Variants in CHURC1 observed in about 807,000 individuals in gnomAD.
CHURC1 encodes churchill domain containing 1, also known as protein Churchill.
A neutral mutation model predicts 15.4 loss-of-function variants in CHURC1; 12 were observed. The observed-to-expected ratio is 0.78, with a 90% confidence interval of 0.50 to 1.27. The LOEUF is 1.27. Ranked by LOEUF, CHURC1 falls within the 50% of genes most tolerant of loss-of-function variation. The pLI is 0.00. For missense variants in CHURC1, 132 were observed against 137.8 expected (o/e 0.96, Z 0.21); for synonymous variants, 42 against 47.5 (o/e 0.88, Z 0.48).
At chr14:64,923,300 G>A (rs983919342) in intron 1 of CHURC1, among the ~76,000 whole-genome samples, 1 of 137,254 alleles carries the variant, frequency 7.3e-6, no homozygotes, top group East Asian at 2.1e-4. Flanking sequence ...CTTCCTTTGA[G>A]CCAGGAGCAT....
In CHURC1 at chr14:64,934,456, T is replaced by C. The variant is rs898227689; in HGVS notation, c.*2226T>C. ...TCTCAGTAATTATGTTTGGCAAATA[T>C]GAAATACAAGGATCTGGCAAGGTTA... On this transcript the variant is annotated 3_prime_UTR_variant, in exon 4 of 4. Transcript: ENST00000549115. 1.4e-5 allele frequency: 14 copies of C among 985,406 alleles called. No homozygotes were observed. Among genetic ancestry groups the C allele is most frequent in the Non-Finnish European group, 1.7e-5 (14 of 829,916 alleles). The allele number at this position is 985,406 out of a possible 1,614,324, so 61.0% of individuals were successfully genotyped here. A position where few individuals can be genotyped will look rare whatever the true frequency, so the allele number is the denominator to read the frequency against.
intron 1 of CHURC1, among the ~76,000 whole-genome samples, chr14:64,915,330 CACCTT>C (rs1883801767): frequency 1.3e-5 from 2 of 152,206 alleles, no homozygotes; most frequent in South Asian, 4.1e-4. Context: ...AATTAAAAGG[CACCTT>C]TGGTGCTGCC....
chr14:64,929,358 A>G (rs2139913533), intron 3 of CHURC1, among the ~76,000 whole-genome samples: 2 of 152,170 alleles, frequency 1.3e-5, no homozygotes, highest in Middle Eastern at 3.4e-3. Flanking sequence ...CTTCAAGCCT[A>G]TGCATCTTCT....
intron 3 of CHURC1, among the ~76,000 whole-genome samples, chr14:64,928,455 G>T (rs577247975): frequency 6.6e-6 from 1 of 152,216 alleles, no homozygotes; most frequent in African/African-American, 2.4e-5. Flanking sequence ...TCACTTGGTT[G>T]CCCAGGCTGG....
intron 3 of CHURC1, among the ~76,000 whole-genome samples, chr14:64,928,092 T>A (rs943382631): frequency 1.3e-5 from 2 of 152,134 alleles, no homozygotes; most frequent in Admixed American, 1.3e-4. Context: ...AACTTTACTC[T>A]TCCTTCTCTC....
chr14:64,926,238 T>G (rs1594898991), intron 3 of CHURC1, among the ~76,000 whole-genome samples, 158 bp downstream of exon 3: 1 of 134,182 alleles, frequency 7.5e-6, no homozygotes, highest in South Asian at 2.4e-4. Flanking sequence ...TTTGAGATGG[T>G]GTCTTGCTAT....
chr14:64,931,778 T>C (rs1037762766), intron 3 of CHURC1, among the ~76,000 whole-genome samples: 16 of 152,348 alleles, frequency 1.1e-4, no homozygotes, highest in Admixed American at 1.0e-3. Context: ...AAAAATTGTT[T>C]CTGTTGTGTA....
intron 3 of CHURC1, among the ~76,000 whole-genome samples, chr14:64,927,719 C>CCA (rs1242787763): frequency 3.6e-5 from 2 of 55,044 alleles, no homozygotes; most frequent in African/African-American, 2.1e-4. Flanking sequence ...TCCCCCCACC[C>CCA]CCCCCCCCGC....
At chr14:64,917,962 T>C (rs143544798) in intron 1 of CHURC1, among the ~76,000 whole-genome samples, 76 of 152,322 alleles carry the variant, frequency 5.0e-4, no homozygotes, top group African/African-American at 1.8e-3. Flanking sequence ...AGTGAAGATA[T>C]AAGACTGCAG....
In CHURC1 at chr14:64,926,079, A is replaced by G; in HGVS notation, c.245A>G (p.Gln82Arg). ...ACATTCAGTATCATGGATGAATTTC[A>G]GGTAAATATAAATATGGGTATAAAT... The part of the protein sequence containing the change: ...EYTFSIMDEF[Q>R]EYTMLCLLCG... Residue 82 changes from glutamine (Q) to arginine (R), a missense_variant and splice_region_variant, in exon 3 of 4, where the codon CAG (glutamine) becomes CGG (arginine). Gln to Arg is a conservative substitution (Grantham distance 43). Transcript: ENST00000549115. 1 of 1,583,986 alleles carries G rather than the reference A, an allele frequency of 6.3e-7. No individual in the cohort carries two copies. Among genetic ancestry groups the G allele is most frequent in the South Asian group, 1.2e-5 (1 of 85,048 alleles).
In CHURC1 at chr14:64,933,638, T is replaced by C. The variant is rs1204277806; in HGVS notation, c.*1408T>C. On this transcript the variant is annotated 3_prime_UTR_variant, in exon 4 of 4. Coordinates refer to ENST00000549115, the MANE Select transcript of CHURC1 (RefSeq NM_001386928.1). ...ATACTTTAGAAAGCATGTAAAGTAC[T>C]AGAAACAATGAGGTGGCTTCAATTA... The C allele has an allele frequency of 1.0e-6, 1 of 985,278 alleles. No homozygotes were observed. Among genetic ancestry groups the C allele is most frequent in the Admixed American group, 6.1e-5 (1 of 16,270 alleles). The allele number at this position is 985,278 out of a possible 1,614,324, so 61.0% of individuals were successfully genotyped here.
intron 1 of CHURC1, among the ~76,000 whole-genome samples, chr14:64,916,865 A>G (rs2139875772): frequency 6.6e-6 from 1 of 152,252 alleles, no homozygotes; most frequent in East Asian, 1.9e-4. Flanking sequence ...GGCGTGAGCC[A>G]CCGCGCCGGG....
intron 2 of CHURC1, among the ~76,000 whole-genome samples, chr14:64,924,904 AT>A (rs1884574527): frequency 6.6e-6 from 1 of 152,194 alleles, no homozygotes; most frequent in Admixed American, 6.5e-5. Context: ...AGGTAATGGT[AT>A]TTTGTCAGAG....
chr14:64,926,184 G>A (rs889512525), intron 3 of CHURC1, 104 bp downstream of exon 3: 7 of 615,038 alleles, frequency 1.1e-5, no homozygotes, highest in Admixed American at 6.2e-5. Flanking sequence ...AGTGCAAAGC[G>A]TTAGCATATA....
chr14:64,922,218 C>G (rs1884354200), intron 1 of CHURC1, among the ~76,000 whole-genome samples: 1 of 151,854 alleles, frequency 6.6e-6, no homozygotes, highest in Non-Finnish European at 1.5e-5. Flanking sequence ...AGTCATTCAC[C>G]TATGTATACC....
chr14:64,916,816 G>T (rs1883917134), intron 1 of CHURC1, among the ~76,000 whole-genome samples: 1 of 152,104 alleles, frequency 6.6e-6, no homozygotes, highest in Admixed American at 6.5e-5. Flanking sequence ...CTGACCTCGT[G>T]ATCCACCTGC....
intron 1 of CHURC1, among the ~76,000 whole-genome samples, chr14:64,920,956 C>T (rs1266127569): frequency 6.6e-6 from 1 of 152,110 alleles, no homozygotes; most frequent in Non-Finnish European, 1.5e-5. Flanking sequence ...GATTTAAAGA[C>T]TAACTATAAA....
rs1460079797 is a variant in CHURC1 at position 64,932,557 on chromosome 14, A to G, written c.*327A>G. 2 of 727,106 alleles carry G rather than the reference A, an allele frequency of 2.8e-6. No individual in the cohort carries two copies. Among genetic ancestry groups the G allele is most frequent in the African/African-American group, 3.8e-5 (2 of 53,110 alleles). The allele number at this position is 727,106 out of a possible 1,614,324, so 45.0% of individuals were successfully genotyped here. ...AAAAGGAACCAGGACTCCTTAGAAA[A>G]TGAACTGATTCTAGAACTGGGATAT... On this transcript the variant is annotated 3_prime_UTR_variant, in exon 4 of 4. Coordinates refer to ENST00000549115, the MANE Select transcript of CHURC1 (RefSeq NM_001386928.1).
intron 1 of CHURC1, among the ~76,000 whole-genome samples, chr14:64,918,755 C>T (rs1278801276): frequency 3.3e-5 from 5 of 152,072 alleles, no homozygotes; most frequent in African/African-American, 9.7e-5. Context: ...ATTCCCTCAA[C>T]CCAGGAGTTC....
Sources: allele counts gnomAD v4.1 joint callset (sites outside exome capture counted in the v4.1 genomes callset), GRCh38; gene constraint gnomAD v4.1.1; transcripts MANE v1.5; gene names NCBI Gene and HGNC (gene_info 2026-07-23, HGNC 2026-07-21).